The following SYN1 variants were observed in gnomAD, a reference collection of about 807,000 sequenced individuals.
SYN1 encodes synapsin-1.
SYN1 carries 8 observed loss-of-function variants against 44.6 expected under a neutral mutation model. The ratio of observed to expected loss-of-function variants is 0.18; its 90% CI spans 0.11 to 0.32. The LOEUF (loss-of-function observed/expected upper bound fraction) is 0.32. Ranked by LOEUF, SYN1 falls within the 10% of genes least tolerant of loss-of-function variation. The probability of loss-of-function intolerance (pLI) is 1.00; values close to 1 mark genes in which losing one functional copy is unlikely to be tolerated. For missense variants in SYN1, 451 were observed against 639.4 expected, an observed-to-expected ratio of 0.71 and a Z score of 3.18; for synonymous variants, 275 against 280.1, an observed-to-expected ratio of 0.98 and a Z score of 0.18.
intron 5 of SYN1, among the ~76,000 whole-genome samples, chrX:47,593,970 C>T (rs1363803668): frequency 5.4e-5 from 6 of 112,128 alleles, no homozygotes; most frequent in Admixed American, 4.7e-4. Context: ...GTGGCTCATG[C>T]CTGTAATCCT....
At chrX:47,617,580 T>C (rs1415082137) in intron 1 of SYN1, among the ~76,000 whole-genome samples, 1 of 110,897 alleles carries the variant, frequency 9.0e-6, no homozygotes, top group East Asian at 2.8e-4. Context: ...GTGATCATTA[T>C]AAACTCAGCT....
At chrX:47,605,959 C>T (rs1395622173) in intron 3 of SYN1, among the ~76,000 whole-genome samples, 1 of 109,292 alleles carries the variant, frequency 9.1e-6, no homozygotes, top group Non-Finnish European at 1.9e-5. Flanking sequence ...CTGGAGCAAT[C>T]ATGGCTCACT....
chrX:47,576,553 C>T lies in SYN1; in HGVS notation c.925G>A (p.Asp309Asn), dbSNP rs781774222. Residue 309 changes from aspartate (D) to asparagine (N), a missense_variant, in exon 7 of 13, where the codon GAT becomes AAT. Asp to Asn is a conservative substitution (Grantham distance 23, BLOSUM62 1). This residue lies in a region of SYN1 where 315 missense variants were observed against 451.4 expected (regional missense o/e 0.70). Transcript: ENST00000295987. ...KTYATAEPFIDAKYDVRVQKI... is the reference protein window; with the variant it reads ...KTYATAEPFINAKYDVRVQKI... ...TGGACACGCACGTCATATTTGGCAT[C>T]GATGAAGGGCTCGGCAGTGGCATAC... The T allele has an allele frequency of 5.0e-6, 6 of 1,210,048 alleles. No individual in the cohort carries two copies. The highest frequency in any genetic ancestry group is 3.5e-5 in the South Asian group (2 of 56,833).
chrX:47,607,721 A>G (rs2057902278), intron 1 of SYN1, among the ~76,000 whole-genome samples: 1 of 93,710 alleles, frequency 1.1e-5, no homozygotes, highest in South Asian at 5.0e-4. Flanking sequence ...CTCTACAAAA[A>G]AAATTGAAAA....
intron 5 of SYN1, among the ~76,000 whole-genome samples, chrX:47,577,746 C>G (rs1050327648): frequency 9.1e-6 from 1 of 110,385 alleles, no homozygotes; most frequent in African/African-American, 3.3e-5. Context: ...TTCCAGACGT[C>G]CCGCCCCTGC....
intron 5 of SYN1, chrX:47,583,442 T>C (rs1175352568): frequency 8.3e-7 from 1 of 1,207,746 alleles, no homozygotes; most frequent in South Asian, 1.8e-5. Context: ...CCCTGGCTTC[T>C]GGCATCCTGT....
chrX:47,590,837 C>A (rs73206132), intron 5 of SYN1, among the ~76,000 whole-genome samples: 11,166 of 111,772 alleles, frequency 0.1, 502 homozygotes, highest in Non-Finnish European at 0.13. Flanking sequence ...CCGTTGCCTA[C>A]TTCCTATCCC....
rs775216662 is a variant in SYN1, at chrX:47,578,262, C to A, written c.775-761G>T. On this transcript the variant is annotated intron_variant, in intron 5 of 12. Coordinates refer to ENST00000295987, the MANE Select transcript of SYN1 (RefSeq NM_006950.3). ...AACACACACAACACAAAAGATTACC[C>A]GTCCAATCAAGAGACACACAACTCC... Among the ~76,000 whole-genome samples the A allele has an allele frequency of 1.4e-4, 16 of 110,651 alleles. No homozygotes were observed. The East Asian group carries it at 2.6e-3, about 18-fold the overall frequency.
At chrX:47,584,855 TATGATG>T (rs753438356) in intron 5 of SYN1, 11 of 850,912 alleles carry the variant, frequency 1.3e-5, no homozygotes, top group African/African-American at 4.0e-5. Flanking sequence ...GCTTTGCTGG[TATGATG>T]ATGATGATGA....
intron 5 of SYN1, chrX:47,585,153 G>A: frequency 4.3e-6 from 5 of 1,164,500 alleles, no homozygotes; most frequent in Non-Finnish European, 5.8e-6. Flanking sequence ...GAAGAACCTG[G>A]AGTGGGAGGA....
At chrX:47,585,342 G>A (rs745627114) in intron 5 of SYN1, 40 of 1,209,552 alleles carry the variant, frequency 3.3e-5, no homozygotes, top group Non-Finnish European at 3.2e-5. Context: ...GTGAGGCACC[G>A]TCCCCGCGCC....
chrX:47,574,604 G>T lies in SYN1; in HGVS notation c.1394-14C>A. On this transcript the variant is annotated splice_polypyrimidine_tract_variant and intron_variant, in intron 11 of 12. Transcript: ENST00000295987. ...GTGGAGGGCCGCCTGGGGGACAGAG[G>T]GAGAGAAAGAGCACACGTGAGAGTG... 1 of 1,107,208 alleles carries T rather than the reference G, an allele frequency of 9.0e-7. No individual in the cohort carries two copies. The highest frequency in any genetic ancestry group is 1.2e-6 in the Non-Finnish European group (1 of 829,766). 91.2% of individuals were successfully genotyped at this position (1,107,208 alleles called of 1,213,427 possible). A position where few individuals can be genotyped will look rare whatever the true frequency, so the allele number is the denominator to read the frequency against.
At chrX:47,608,285 AGGAAGG>A (rs1315848453) in intron 1 of SYN1, among the ~76,000 whole-genome samples, 846 of 6,006 alleles carry the variant, frequency 0.14, 28 homozygotes, top group African/African-American at 0.44. Context: ...GAAGGAAGGA[AGGAAGG>A]GGAAGGAAGG....
At chrX:47,610,643 A>C (rs1029613396) in intron 1 of SYN1, among the ~76,000 whole-genome samples, 2 of 110,118 alleles carry the variant, frequency 1.8e-5, no homozygotes, top group African/African-American at 3.3e-5. Context: ...TCCTGAGGAC[A>C]ATGGGCGAAG....
chrX:47,574,305 G>C lies in SYN1; in HGVS notation c.1679C>G (p.Pro560Arg). 1 of 1,093,634 alleles carries C rather than the reference G, an allele frequency of 9.1e-7. No individual in the cohort carries two copies. The highest frequency in any genetic ancestry group is 1.2e-6 in the Non-Finnish European group (1 of 843,634). The allele number at this position is 1,093,634 out of a possible 1,213,427, so 90.1% of individuals were successfully genotyped here. ...GGATGTCTGACGGGTAGCCTGTGGGGGGCCCGCCTGGCGCTGGGGAGACGG... is the reference window on the plus strand; with the variant it reads ...GGATGTCTGACGGGTAGCCTGTGGGCGGCCCGCCTGGCGCTGGGGAGACGG... ...ASPSPQRQAG[P>R]PQATRQTSVS... The change falls in exon 12 of 13, where the codon CCC becomes CGC. Residue 560 changes from proline (P) to arginine (R), a missense_variant. Physicochemically the swap from Pro to Arg is moderately radical, Grantham distance 103. This residue lies in a region of SYN1 where 127 missense variants were observed against 154.8 expected (regional missense o/e 0.82). Coordinates refer to ENST00000295987, the MANE Select transcript of SYN1 (RefSeq NM_006950.3).
intron 5 of SYN1, chrX:47,585,392 AC>A: frequency 8.3e-7 from 1 of 1,204,385 alleles, no homozygotes; most frequent in South Asian, 1.8e-5. Flanking sequence ...CGGCCTAGCA[AC>A]CACGAGGGGG....
chrX:47,610,481 G>A (rs1025326764), intron 1 of SYN1, among the ~76,000 whole-genome samples: 2 of 105,530 alleles, frequency 1.9e-5, no homozygotes, highest in Middle Eastern at 9.6e-3. Context: ...CTACCCTCCT[G>A]GAAACCAGAC....
intron 1 of SYN1, among the ~76,000 whole-genome samples, chrX:47,611,574 A>G (rs1156495263): frequency 7.2e-5 from 8 of 111,886 alleles, no homozygotes; most frequent in Non-Finnish European, 1.3e-4. Flanking sequence ...ATATTCATAG[A>G]TGGTCTTGCT....
intron 5 of SYN1, among the ~76,000 whole-genome samples, chrX:47,579,849 GC>G (rs140381513): frequency 1.2e-5 from 1 of 83,168 alleles, no homozygotes; most frequent in Non-Finnish European, 2.3e-5. Flanking sequence ...TGTTTTTGTC[GC>G]CCCCCCACCC....
Sources: allele counts gnomAD v4.1 joint callset (sites outside exome capture counted in the v4.1 genomes callset), GRCh38; gene constraint gnomAD v4.1.1; regional missense constraint gnomAD v4.1.1; transcripts MANE v1.5; gene names NCBI Gene and HGNC (gene_info 2026-07-23, HGNC 2026-07-21).